The following ENTREP2 variants were observed in gnomAD, a reference collection of about 807,000 sequenced individuals.
ENTREP2 encodes the protein endosomal transmembrane epsin interactor 2, also known as protein ENTREP2.
At chr15:29,225,731 G>A in the ENTREP2 span, among the ~76,000 whole-genome samples, 2 of 152,216 alleles carry the variant, frequency 1.3e-5, no homozygotes, top group African/African-American at 2.4e-5. Flanking sequence ...CATGGCAAGG[G>A]CTGAAGCTGC....
At chr15:29,591,913 GT>G in the ENTREP2 span, among the ~76,000 whole-genome samples, 13 of 147,386 alleles carry the variant, frequency 8.8e-5, no homozygotes, top group Non-Finnish European at 1.6e-4. Flanking sequence ...AAACACAGAT[GT>G]TTCTACAAAC....
At chr15:29,288,489 G>A in the ENTREP2 span, among the ~76,000 whole-genome samples, 1 of 152,116 alleles carries the variant, frequency 6.6e-6, no homozygotes, top group East Asian at 1.9e-4. Context: ...CCTCCTTCAG[G>A]TCCCCAGCAA....
the ENTREP2 span, among the ~76,000 whole-genome samples, chr15:29,489,581 C>T: frequency 8.5e-5 from 13 of 152,286 alleles, 1 homozygote; most frequent in South Asian, 1.5e-3. Context: ...AGGTGCATCC[C>T]AATGCCAATT....
chr15:29,598,736 G>C, the ENTREP2 span, among the ~76,000 whole-genome samples: 1 of 150,848 alleles, frequency 6.6e-6, no homozygotes, highest in South Asian at 2.1e-4. Context: ...TCGCTTTGTC[G>C]CCCAGGCTGG....
chr15:29,255,350 T>C, the ENTREP2 span, among the ~76,000 whole-genome samples: 3 of 152,116 alleles, frequency 2.0e-5, no homozygotes, highest in Non-Finnish European at 2.9e-5. Flanking sequence ...CACCAGGCTA[T>C]TACTAAAAAG....
the ENTREP2 span, among the ~76,000 whole-genome samples, chr15:29,598,441 T>G: frequency 6.6e-6 from 1 of 152,356 alleles, no homozygotes; most frequent in South Asian, 2.1e-4. Flanking sequence ...ATTCAGAAAT[T>G]TTATTTAGTC....
chr15:29,496,187 C>CT, the ENTREP2 span, among the ~76,000 whole-genome samples: 2 of 151,412 alleles, frequency 1.3e-5, no homozygotes, highest in African/African-American at 4.9e-5. Context: ...TTCTTAATTT[C>CT]TTTTTCTAAT....
the ENTREP2 span, among the ~76,000 whole-genome samples, chr15:29,311,479 C>T: frequency 3.9e-5 from 6 of 152,216 alleles, no homozygotes; most frequent in Non-Finnish European, 2.9e-5. Flanking sequence ...CACTTGAGAT[C>T]AGGAGTTCCA....
the ENTREP2 span, among the ~76,000 whole-genome samples, chr15:29,446,002 T>G: frequency 2.0e-5 from 3 of 152,154 alleles, no homozygotes; most frequent in Admixed American, 6.5e-5. Context: ...CATTCTAAAT[T>G]ATTGAGAGTG....
the ENTREP2 span, among the ~76,000 whole-genome samples, chr15:29,429,107 GTCTA>G: frequency 8.6e-5 from 13 of 151,886 alleles, no homozygotes; most frequent in African/African-American, 3.1e-4. Flanking sequence ...ATCTTGAGAT[GTCTA>G]TCTATCCATC....
At chr15:29,476,738 A>T in the ENTREP2 span, among the ~76,000 whole-genome samples, 1 of 152,200 alleles carries the variant, frequency 6.6e-6, no homozygotes, top group African/African-American at 2.4e-5. Flanking sequence ...CTAGAGTAGA[A>T]GCCACAGAGG....
At chr15:29,225,007 A>C in the ENTREP2 span, among the ~76,000 whole-genome samples, 1 of 152,128 alleles carries the variant, frequency 6.6e-6, no homozygotes, top group African/African-American at 2.4e-5. Context: ...TAAGCCCCTC[A>C]CTGCCCGGGC....
the ENTREP2 span, among the ~76,000 whole-genome samples, chr15:29,512,682 T>G: frequency 6.6e-6 from 1 of 152,204 alleles, no homozygotes. Context: ...ATATGAGCCC[T>G]CACCAGGAAC....
the ENTREP2 span, among the ~76,000 whole-genome samples, chr15:29,539,232 C>G: frequency 7.8e-6 from 1 of 127,968 alleles, no homozygotes; most frequent in African/African-American, 2.9e-5. Context: ...CCAGCATCCA[C>G]CAGAGTGTCA....
chr15:29,249,452 C>T, the ENTREP2 span, among the ~76,000 whole-genome samples: 1 of 152,254 alleles, frequency 6.6e-6, no homozygotes, highest in African/African-American at 2.4e-5. Flanking sequence ...TATACACACA[C>T]ATTATGCACA....
the ENTREP2 span, among the ~76,000 whole-genome samples, chr15:29,528,727 G>A: frequency 2.7e-5 from 4 of 149,070 alleles, no homozygotes; most frequent in Admixed American, 6.6e-5. Flanking sequence ...ATATGCCAAC[G>A]CTCTTTCGTA....
the ENTREP2 span, among the ~76,000 whole-genome samples, chr15:29,243,186 C>CA: frequency 6.6e-6 from 1 of 152,174 alleles, no homozygotes; most frequent in African/African-American, 2.4e-5. Flanking sequence ...TCACAACAAG[C>CA]TGGGAATCCA....
At chr15:29,216,399 T>G in the ENTREP2 span, among the ~76,000 whole-genome samples, 1 of 152,214 alleles carries the variant, frequency 6.6e-6, no homozygotes, top group African/African-American at 2.4e-5. Context: ...GCTCTTAAGA[T>G]TCTTTCCTTT....
the ENTREP2 span, among the ~76,000 whole-genome samples, chr15:29,657,248 A>G: frequency 1.3e-5 from 2 of 151,060 alleles, no homozygotes; most frequent in Non-Finnish European, 2.9e-5. Context: ...TTTAGTGGCT[A>G]CAGGGTTTCA....
Sources: gnomAD v4.1 joint callset for allele counts (sites outside exome capture counted in the v4.1 genomes callset) on GRCh38, gnomAD v4.1.1 for gene constraint, MANE v1.5 for transcripts, NCBI Gene and HGNC (gene_info 2026-07-23, HGNC 2026-07-21) for gene names.